The following EMP1 variants were observed in gnomAD, a reference collection of about 807,000 sequenced individuals.
EMP1 encodes the protein tumor-associated membrane protein.
In EMP1, 5 loss-of-function variants were observed where a neutral mutation model predicts 15.7. The observed-to-expected ratio is 0.32, with a 90% CI of 0.17 to 0.67. The LOEUF (loss-of-function observed/expected upper bound fraction) is 0.67, where lower values mean the gene tolerates loss of function less well. EMP1 is among the 30% of genes least tolerant of loss of function. EMP1 has a pLI of 0.74. For missense variants in EMP1, 166 were observed against 194.2 expected, an observed-to-expected ratio of 0.85 and a Z score of 0.86; for synonymous variants, 78 against 76.7, an observed-to-expected ratio of 1.02 and a Z score of -0.09.
chr12:13,207,294 A>G (rs904589810), intron 1 of EMP1, among the ~76,000 whole-genome samples: 1 of 151,966 alleles, frequency 6.6e-6, no homozygotes, highest in African/African-American at 2.4e-5. Flanking sequence ...TGTATTTTTA[A>G]TTGATACTAG....
chr12:13,201,176 G>A (rs1864063070), intron 1 of EMP1, among the ~76,000 whole-genome samples: 1 of 152,184 alleles, frequency 6.6e-6, no homozygotes, highest in African/African-American at 2.4e-5. Flanking sequence ...GGAGACTGAG[G>A]TGGGAGGATC....
rs1343472544 is a variant in EMP1 at position 13,217,147 on chromosome 12, A to G, written c.*2456A>G. The G allele has an allele frequency of 6.6e-6, 1 of 152,258 alleles. No homozygotes were observed. Among genetic ancestry groups the G allele is most frequent in the Non-Finnish European group, 1.5e-5 (1 of 68,062 alleles). 9.4% of individuals were successfully genotyped at this position (152,258 alleles called of 1,614,324 possible). A position where few individuals can be genotyped will look rare whatever the true frequency, so the allele number is the denominator to read the frequency against. The stretch of plus-strand genomic sequence containing the variant: ...TCTTCAAAATATAAAGTGATTCACA[A>G]AGGCATGCATCACACCTATTTGTAG... On this transcript the variant is annotated 3_prime_UTR_variant, in exon 5 of 5. Transcript: ENST00000256951.
chr12:13,214,895 A>T lies in EMP1; in HGVS notation c.*204A>T. 1 of 524,948 alleles carries T rather than the reference A, an allele frequency of 1.9e-6. No individual in the cohort carries two copies. 32.5% of individuals were successfully genotyped at this position (524,948 alleles called of 1,614,324 possible). On this transcript the variant is annotated 3_prime_UTR_variant, in exon 5 of 5. Coordinates refer to ENST00000256951, the MANE Select transcript of EMP1 (RefSeq NM_001423.3). ...CCTGGGGAGAAAGTAGTTGGCTAGT[A>T]CTTTGATGCTCCCTTGATGGGGTCC... is the stretch of plus-strand genomic sequence containing the variant.
rs1864228542 is a variant in EMP1 at position 13,217,886 on chromosome 12, A to G, written c.*3195A>G. The G allele has an allele frequency of 6.6e-6, 1 of 152,202 alleles. No homozygotes were observed. Among genetic ancestry groups the G allele is most frequent in the Non-Finnish European group, 1.5e-5 (1 of 68,036 alleles). 9.4% of individuals were successfully genotyped at this position (152,202 alleles called of 1,614,324 possible). On this transcript the variant is annotated 3_prime_UTR_variant, in exon 5 of 5. Transcript: ENST00000256951. ...TGATTTTGAAGGCAGGCAAGCCCAA[A>G]GTCTGCAAGGGGTGGGCCAGCAGAG... is the stretch of plus-strand genomic sequence containing the variant.
Position 13,214,526 on chromosome 12 carries a change from C to A in EMP1, c.317-8C>A. The stretch of plus-strand genomic sequence containing the variant: ...AAACACACCGACAAATCTCCTTTTC[C>A]CCTGCAGGGCTGTGCATTCTTGTGG... On this transcript the variant is annotated splice_region_variant and splice_polypyrimidine_tract_variant and intron_variant, in intron 4 of 4. Transcript: ENST00000256951. 1 of 1,609,264 alleles carries A rather than the reference C, an allele frequency of 6.2e-7. No individual in the cohort carries two copies.
At position 13,216,526 on chromosome 12, in the gene EMP1, T is replaced by C. The variant is rs1864217338; in HGVS notation, c.*1835T>C. 1.4e-6 allele frequency: 1 copy of C among 696,308 alleles called. No individual in the cohort carries two copies. The highest frequency in any genetic ancestry group is 1.8e-5 in the African/African-American group (1 of 57,052). 43.1% of individuals were successfully genotyped at this position (696,308 alleles called of 1,614,324 possible). A position where few individuals can be genotyped will look rare whatever the true frequency, so the allele number is the denominator to read the frequency against. Reference sequence around the variant, plus strand: ...AAAAAACATACTTACATTTCAGACATATCCAAAGGGAATACTCACATTTTG... The same window carrying C: ...AAAAAACATACTTACATTTCAGACACATCCAAAGGGAATACTCACATTTTG... On this transcript the variant is annotated 3_prime_UTR_variant, in exon 5 of 5. Transcript: ENST00000256951.
chr12:13,197,438 T>G (rs895610722), intron 1 of EMP1, among the ~76,000 whole-genome samples: 1 of 152,174 alleles, frequency 6.6e-6, no homozygotes, highest in African/African-American at 2.4e-5. Context: ...TTTAAGTATT[T>G]TTTTTCTCCT....
In EMP1 at chr12:13,216,604, T is replaced by C. The variant is rs1864218061; in HGVS notation, c.*1913T>C. The C allele has an allele frequency of 3.3e-6, 2 of 611,468 alleles. No homozygotes were observed. Among genetic ancestry groups the C allele is most frequent in the Non-Finnish European group, 5.8e-6 (2 of 344,558 alleles). 37.9% of individuals were successfully genotyped at this position (611,468 alleles called of 1,614,324 possible). A position where few individuals can be genotyped will look rare whatever the true frequency, so the allele number is the denominator to read the frequency against. On this transcript the variant is annotated 3_prime_UTR_variant, in exon 5 of 5. Coordinates refer to ENST00000256951, the MANE Select transcript of EMP1 (RefSeq NM_001423.3). The stretch of plus-strand genomic sequence containing the variant: ...AACCATGTATTCCCTTATCTTTTAC[T>C]TTTTTTCTGTGACATTTATGTCTCA...
intron 1 of EMP1, among the ~76,000 whole-genome samples, chr12:13,200,327 C>T (rs1864053639): frequency 6.6e-6 from 1 of 152,156 alleles, no homozygotes; most frequent in South Asian, 2.1e-4. Context: ...TACATTGTCA[C>T]CACCCATCAT....
rs1360691495 is a variant in EMP1, at chr12:13,214,012, G to T, written c.316+191G>T. The T allele has an allele frequency of 2.2e-5, 19 of 858,910 alleles. No individual in the cohort carries two copies. The Admixed American group carries it at 3.8e-4, about 17-fold the overall frequency. The allele number at this position is 858,910 out of a possible 1,614,324, so 53.2% of individuals were successfully genotyped here. A position where few individuals can be genotyped will look rare whatever the true frequency, so the allele number is the denominator to read the frequency against. On this transcript the variant is annotated intron_variant, in intron 4 of 4. Coordinates refer to ENST00000256951, the MANE Select transcript of EMP1 (RefSeq NM_001423.3). ...GTTAAGAACCCTCATCTGCTTCATT[G>T]TTCAAAACCAGTGCTCCTGGGTAGC...
At chr12:13,204,672 T>C (rs562782997) in intron 1 of EMP1, among the ~76,000 whole-genome samples, 9 of 152,312 alleles carry the variant, frequency 5.9e-5, no homozygotes, top group South Asian at 4.1e-4. Flanking sequence ...TGGGGGTCAG[T>C]TGACCAGAAG....
chr12:13,214,059 T>A, intron 4 of EMP1: 1 of 687,486 alleles, frequency 1.5e-6, no homozygotes, highest in East Asian at 2.7e-5. Flanking sequence ...AGTGCATATC[T>A]GTTAGTAGCA....
In EMP1 at chr12:13,213,546, G is replaced by T. The variant is rs1165216836; in HGVS notation, c.146G>T (p.Cys49Phe). 6.2e-7 allele frequency: 1 copy of T among 1,614,188 alleles called. No homozygotes were observed. The highest frequency in any genetic ancestry group is 8.5e-7 in the Non-Finnish European group (1 of 1,180,042). Reference protein sequence around the residue: ...GLWKNCTNISCSDSLSYASED... With the variant: ...GLWKNCTNISFSDSLSYASED... ...TGGAAAAACTGTACCAACATTAGCT[G>T]CAGTGACAGCCTGTCATATGCCAGT... The change falls in exon 3 of 5, where the codon TGC becomes TTC. Residue 49 changes from cysteine to phenylalanine, a missense_variant. By Grantham distance (205) the Cys-to-Phe change is radical. Coordinates refer to ENST00000256951, the MANE Select transcript of EMP1 (RefSeq NM_001423.3).
intron 1 of EMP1, among the ~76,000 whole-genome samples, chr12:13,198,044 G>A (rs755752916): frequency 3.3e-5 from 5 of 152,176 alleles, no homozygotes; most frequent in Non-Finnish European, 5.9e-5. Flanking sequence ...TTTCACCCCA[G>A]AAAGAGCTGC....
intron 1 of EMP1, among the ~76,000 whole-genome samples, chr12:13,204,661 A>T (rs1386964595): frequency 1.3e-5 from 2 of 152,196 alleles, no homozygotes; most frequent in Non-Finnish European, 2.9e-5. Flanking sequence ...CGTCTGACTC[A>T]TGGGGGTCAG....
chr12:13,211,664 T>G lies in EMP1; in HGVS notation c.78+76T>G. 4 of 1,536,134 alleles carry G rather than the reference T, an allele frequency of 2.6e-6. No individual in the cohort carries two copies. The highest frequency in any genetic ancestry group is 3.6e-6 in the Non-Finnish European group (4 of 1,112,614). On this transcript the variant is annotated intron_variant, in intron 2 of 4. Coordinates refer to ENST00000256951, the MANE Select transcript of EMP1 (RefSeq NM_001423.3). This position sits in a 1 kb window ranked among gnomAD's most constrained non-coding sequence, Gnocchi z 4.7. ...TTACATCAAGTGCACAAAAGAAGTT[T>G]AAGCCACAGCCCTTGCCCTTCATGA...
chr12:13,208,539 C>A (rs373920203), intron 1 of EMP1, among the ~76,000 whole-genome samples: 101 of 152,174 alleles, frequency 6.6e-4, no homozygotes, highest in African/African-American at 2.1e-3. Flanking sequence ...AATGGAAGCC[C>A]CTCTAAACTG....
chr12:13,216,324 A>G lies in EMP1; in HGVS notation c.*1633A>G. 2 of 695,606 alleles carry G rather than the reference A, an allele frequency of 2.9e-6. No individual in the cohort carries two copies. The highest frequency in any genetic ancestry group is 5.2e-6 in the Non-Finnish European group (2 of 382,396). The allele number at this position is 695,606 out of a possible 1,614,324, so 43.1% of individuals were successfully genotyped here. Reference sequence around the variant, plus strand: ...ATGCCATGATTTTTGGTATTTATGTAAAAGGATTATTACTAATTCTATTTC... The same window carrying G: ...ATGCCATGATTTTTGGTATTTATGTGAAAGGATTATTACTAATTCTATTTC... On this transcript the variant is annotated 3_prime_UTR_variant, in exon 5 of 5. Transcript: ENST00000256951.
chr12:13,204,271 C>T (rs1194185613), intron 1 of EMP1, among the ~76,000 whole-genome samples: 8 of 152,068 alleles, frequency 5.3e-5, no homozygotes, highest in Non-Finnish European at 8.8e-5. Context: ...GCTTTCCCAC[C>T]CCTGCATAAA....
Sources: gnomAD v4.1 joint callset for allele counts (sites outside exome capture counted in the v4.1 genomes callset) on GRCh38, gnomAD v4.1.1 for gene constraint, Gnocchi (gnomAD v3.1) non-coding constraint, MANE v1.5 for transcripts, NCBI Gene and HGNC (gene_info 2026-07-23, HGNC 2026-07-21) for gene names.